Variants in PLXNA2 observed in about 807,000 individuals in gnomAD.
The protein encoded by PLXNA2 is plexin-A2.
Under a neutral mutation model 193.5 loss-of-function variants are expected in PLXNA2, and 91 were observed. The observed-to-expected ratio is 0.47, with a 90% CI of 0.40 to 0.56. The LOEUF is 0.56. Among genes scored for constraint, PLXNA2 ranks in the 20% least tolerant of loss-of-function variants. PLXNA2 has a pLI of 0.00. For missense variants in PLXNA2, 1,995 were observed against 2,503.2 expected, an observed-to-expected ratio of 0.80 and a Z score of 4.33; for synonymous variants, 997 against 1,027.3, an observed-to-expected ratio of 0.97 and a Z score of 0.56.
At chr1:208,184,644 A>T (rs1468899538) in intron 3 of PLXNA2, among the ~76,000 whole-genome samples, 1 of 152,172 alleles carries the variant, frequency 6.6e-6, no homozygotes, top group African/African-American at 2.4e-5. Flanking sequence ...TGTTAAAGCC[A>T]GATATTGGGC....
rs569684545 is a variant in PLXNA2 at position 208,217,014 on chromosome 1, G to A, written c.909C>T (p.Ala303=). 16 of 1,611,826 alleles carry A rather than the reference G, an allele frequency of 9.9e-6. No homozygotes were observed. In the Admixed American group the frequency reaches 1.0e-4, roughly 10 times the overall value. ...YVSLPFGCTR[A]GVEYRLLQAA... is the part of the protein sequence containing the mutation. Reference sequence around the variant, plus strand: ...CCTGCAGGAGGCGGTATTCCACCCCGGCCCGGGTGCAGCCGAAGGGCAGGG... The same window carrying A: ...CCTGCAGGAGGCGGTATTCCACCCCAGCCCGGGTGCAGCCGAAGGGCAGGG... The change falls in exon 2 of 32, where the codon GCC becomes GCT. Residue 303 remains alanine, a synonymous_variant. Transcript: ENST00000367033. The surrounding 1 kb of genome is among the most constrained non-coding windows in gnomAD (Gnocchi z 4.7).
rs187454222 is a variant in PLXNA2, at chr1:208,092,836, G to T, written c.2047C>A (p.His683Asn). The change falls in exon 9 of 32, where the codon CAT (histidine) becomes AAT (asparagine). Residue 683 changes from histidine (H) to asparagine (N), a missense_variant. Transcript: ENST00000367033. ...HWCKYRNLCT[H>N]DPTTCSFQEG... is the part of the protein sequence containing the mutation. The stretch of plus-strand genomic sequence containing the variant: ...TGGAAGGAGCAGGTGGTGGGGTCAT[G>T]AGTGCAGAGGTTGCGGTACTTGCAC... 4.9e-5 allele frequency: 79 copies of T among 1,613,918 alleles called. 1 individual carries two copies. Among genetic ancestry groups the T allele is most frequent in the Middle Eastern group, 3.3e-4 (2 of 6,062 alleles).
chr1:208,065,621 G>A (rs111795799), intron 12 of PLXNA2, among the ~76,000 whole-genome samples: 1,568 of 152,276 alleles, frequency 0.01, 21 homozygotes, highest in African/African-American at 0.027. Context: ...CTTCCTATCC[G>A]TCTGGAAGGG....
chr1:208,164,755 T>C (rs1254895409), intron 3 of PLXNA2, among the ~76,000 whole-genome samples: 2 of 152,174 alleles, frequency 1.3e-5, no homozygotes, highest in African/African-American at 4.8e-5. Context: ...TGGGCGTCAG[T>C]CCGGCAGCGG....
intron 23 of PLXNA2, 41 bp downstream of exon 23, chr1:208,039,951 C>A: frequency 6.2e-7 from 1 of 1,605,196 alleles, no homozygotes; most frequent in Non-Finnish European, 8.5e-7. Flanking sequence ...GCAGTGCCAT[C>A]CTGCCCTGGA....
intron 4 of PLXNA2, among the ~76,000 whole-genome samples, chr1:208,132,135 T>C (rs1668176588): frequency 6.6e-6 from 1 of 152,168 alleles, no homozygotes; most frequent in African/African-American, 2.4e-5. Flanking sequence ...TGCAGAGGCA[T>C]TTCCCCTGAC....
chr1:208,192,184 C>T (rs1670205075), intron 3 of PLXNA2, among the ~76,000 whole-genome samples: 1 of 152,200 alleles, frequency 6.6e-6, no homozygotes, highest in African/African-American at 2.4e-5. Context: ...TCCACTCTTT[C>T]CATCTGCTCT....
intron 3 of PLXNA2, among the ~76,000 whole-genome samples, chr1:208,161,273 A>ACCCGCT (rs1374297257): frequency 6.6e-6 from 1 of 152,014 alleles, no homozygotes; most frequent in East Asian, 1.9e-4. Flanking sequence ...AGCCTTTTCT[A>ACCCGCT]CCCTCTCCCT....
chr1:208,115,169 T>A (rs1385289462), intron 4 of PLXNA2, among the ~76,000 whole-genome samples: 1 of 152,138 alleles, frequency 6.6e-6, no homozygotes, highest in African/African-American at 2.4e-5. Flanking sequence ...GCCTCAGTGC[T>A]TTGTACCCAG....
At chr1:208,041,310 T>TG (rs1042456281) in intron 22 of PLXNA2, among the ~76,000 whole-genome samples, 2 of 152,266 alleles carry the variant, frequency 1.3e-5, no homozygotes, top group African/African-American at 4.8e-5. Context: ...CTCCAGCCCC[T>TG]GCTGCCCAGA....
At chr1:208,177,408 T>A (rs1278585170) in intron 3 of PLXNA2, among the ~76,000 whole-genome samples, 1 of 152,190 alleles carries the variant, frequency 6.6e-6, no homozygotes, top group Non-Finnish European at 1.5e-5. Context: ...TCTCTGTTGC[T>A]TCATTTGTAA....
At chr1:208,115,844 G>C (rs192719124) in intron 4 of PLXNA2, among the ~76,000 whole-genome samples, 3 of 152,172 alleles carry the variant, frequency 2.0e-5, no homozygotes, top group African/African-American at 4.8e-5. Flanking sequence ...TCAAGAGTCA[G>C]TGTTTTGTAC....
At chr1:208,161,727 T>C (rs897902954) in intron 3 of PLXNA2, among the ~76,000 whole-genome samples, 2 of 152,160 alleles carry the variant, frequency 1.3e-5, no homozygotes, top group South Asian at 4.1e-4. Flanking sequence ...GGAGAAGTGG[T>C]CCTGTTACTC....
intron 3 of PLXNA2, among the ~76,000 whole-genome samples, chr1:208,149,959 T>C (rs1290684227): frequency 6.6e-6 from 1 of 152,140 alleles, no homozygotes; most frequent in Non-Finnish European, 1.5e-5. Flanking sequence ...TAACTAAGCT[T>C]GCAGAGTCAA....
chr1:208,103,101 C>T (rs370027986), intron 5 of PLXNA2, 46 bp downstream of exon 5: 26 of 1,344,264 alleles, frequency 1.9e-5, no homozygotes, highest in African/African-American at 5.7e-5. Context: ...CGGAAAGCCC[C>T]GGTCTTCTGC....
At chr1:208,109,215 C>T (rs1667383536) in intron 4 of PLXNA2, among the ~76,000 whole-genome samples, 1 of 152,150 alleles carries the variant, frequency 6.6e-6, no homozygotes, top group Non-Finnish European at 1.5e-5. Context: ...GTCCTCAGGG[C>T]TCAGGGCAGA....
chr1:208,064,526 T>C (rs1435868249), intron 12 of PLXNA2, among the ~76,000 whole-genome samples: 1 of 152,184 alleles, frequency 6.6e-6, no homozygotes, highest in Non-Finnish European at 1.5e-5. Context: ...CCCTGAGCCT[T>C]TGGACATGTT....
chr1:208,091,267 T>C (rs937193210), intron 9 of PLXNA2, among the ~76,000 whole-genome samples: 3 of 152,214 alleles, frequency 2.0e-5, no homozygotes, highest in Non-Finnish European at 4.4e-5. Flanking sequence ...TGTTGTTTCA[T>C]AAACTAAGAA....
intron 10 of PLXNA2, among the ~76,000 whole-genome samples, chr1:208,083,376 G>A (rs1044619337): frequency 1.3e-5 from 2 of 152,108 alleles, no homozygotes; most frequent in Non-Finnish European, 2.9e-5. Context: ...TGGAGACCTC[G>A]GGGCATCTTC....
Sources: allele counts gnomAD v4.1 joint callset (sites outside exome capture counted in the v4.1 genomes callset), GRCh38; gene constraint gnomAD v4.1.1; non-coding constraint Gnocchi (gnomAD v3.1); transcripts MANE v1.5; gene names NCBI Gene and HGNC (gene_info 2026-07-23, HGNC 2026-07-21).